The following RNF13 variants were observed in gnomAD, a reference collection of about 807,000 sequenced individuals.
RNF13 encodes E3 ubiquitin-protein ligase RNF13.
A neutral mutation model predicts 37.7 loss-of-function variants in RNF13; 19 were observed. The ratio of observed to expected loss-of-function variants is 0.50; its 90% CI spans 0.35 to 0.74. The LOEUF is 0.74. Ranked by LOEUF, RNF13 falls within the 30% of genes least tolerant of loss-of-function variation. The probability of loss-of-function intolerance (pLI) is 0.01; values close to 1 mark genes in which losing one functional copy is unlikely to be tolerated. For synonymous variants in RNF13, 144 were observed against 157.8 expected, an observed-to-expected ratio of 0.91 and a Z score of 0.65; for missense variants, 375 against 453.0, an observed-to-expected ratio of 0.83 and a Z score of 1.56.
intron 2 of RNF13, among the ~76,000 whole-genome samples, chr3:149,848,014 T>C (rs982995283): frequency 3.3e-5 from 5 of 152,214 alleles, no homozygotes; most frequent in Admixed American, 3.3e-4. Flanking sequence ...TTTCTTTATT[T>C]CTTCATGTAA....
In RNF13 at chr3:149,921,136, C is replaced by T; in HGVS notation, c.609C>T (p.Ile203=). 7.6e-7 allele frequency: 1 copy of T among 1,322,590 alleles called. No individual in the cohort carries two copies. Among genetic ancestry groups the T allele is most frequent in the Non-Finnish European group, 9.9e-7 (1 of 1,005,088 alleles). The allele number at this position is 1,322,590 out of a possible 1,614,324, so 81.9% of individuals were successfully genotyped here. ...TTTTTTTACTCTTTTATTTTTAGAT[C>T]ACAAAATTTGTCCAGGATAGACATA... ...ICLILIVIFM[I]TKFVQDRHRA... Residue 203 remains isoleucine (I), a splice_region_variant and synonymous_variant, in exon 8 of 10, where the codon ATC becomes ATT. Coordinates refer to ENST00000392894, the MANE Select transcript of RNF13 (RefSeq NM_183381.3).
intron 6 of RNF13, among the ~76,000 whole-genome samples, chr3:149,909,442 A>ATTTTTT (rs35918938): frequency 2.6e-5 from 3 of 114,448 alleles, no homozygotes; most frequent in Non-Finnish European, 1.7e-5. Flanking sequence ...TGCCTGGTTA[A>ATTTTTT]TTTTTTTTTT....
intron 7 of RNF13, among the ~76,000 whole-genome samples, chr3:149,919,280 ATATG>A (rs1292369254): frequency 1.3e-5 from 2 of 152,148 alleles, no homozygotes; most frequent in Non-Finnish European, 2.9e-5. Context: ...TATGTAACAG[ATATG>A]TATGTGTATA....
chr3:149,886,553 T>C lies in RNF13; in HGVS notation c.322-8920T>C, dbSNP rs376363066. On this transcript the variant is annotated intron_variant, in intron 4 of 9. Coordinates refer to ENST00000392894, the MANE Select transcript of RNF13 (RefSeq NM_183381.3). ...TCGAGATATCATTTGCACATACATA[T>C]AGTTTTACTTCTTCTTTTCCAATCT... Among the ~76,000 whole-genome samples, 231 of 152,342 alleles carry C rather than the reference T, an allele frequency of 1.5e-3. 1 individual carries two copies. Among genetic ancestry groups the C allele is most frequent in the African/African-American group, 5.2e-3 (215 of 41,580 alleles).
chr3:149,835,622 G>A (rs550919344), intron 1 of RNF13, among the ~76,000 whole-genome samples: 82 of 142,586 alleles, frequency 5.8e-4, no homozygotes, highest in Non-Finnish European at 1.0e-3. Context: ...TTATGGCTGC[G>A]TAGTATTCCA....
chr3:149,883,429 ATGTG>A (rs1370190317), intron 4 of RNF13, among the ~76,000 whole-genome samples: 3 of 151,590 alleles, frequency 2.0e-5, no homozygotes, highest in Non-Finnish European at 4.4e-5. Context: ...ATGTGTGTGT[ATGTG>A]TGTGTGTATG....
chr3:149,873,923 T>C (rs188361850), intron 4 of RNF13, among the ~76,000 whole-genome samples: 1 of 152,334 alleles, frequency 6.6e-6, no homozygotes, highest in Admixed American at 6.5e-5. Context: ...ATTTGTATTA[T>C]AGTGTGTGGT....
chr3:149,875,241 C>T (rs558266727), intron 4 of RNF13, among the ~76,000 whole-genome samples: 1 of 152,090 alleles, frequency 6.6e-6, no homozygotes, highest in South Asian at 2.1e-4. Flanking sequence ...TTATCTCAGA[C>T]AAAGGAGAAT....
chr3:149,915,035 A>G (rs60680148), intron 7 of RNF13, among the ~76,000 whole-genome samples: 2,759 of 152,276 alleles, frequency 0.018, 93 homozygotes, highest in African/African-American at 0.062. Context: ...GGGAAAAAGC[A>G]GTATAAGTCG....
At chr3:149,829,512 T>G (rs894963087) in intron 1 of RNF13, among the ~76,000 whole-genome samples, 2 of 152,166 alleles carry the variant, frequency 1.3e-5, no homozygotes, top group African/African-American at 4.8e-5. Context: ...AAATTTTGCT[T>G]TGGTTGATTG....
At chr3:149,929,465 A>G (rs1375503301) in intron 8 of RNF13, among the ~76,000 whole-genome samples, 1 of 152,194 alleles carries the variant, frequency 6.6e-6, no homozygotes, top group Non-Finnish European at 1.5e-5. Flanking sequence ...CAGCCAAACC[A>G]TATCACAGAT....
At chr3:149,941,020 C>G (rs1033379024) in intron 8 of RNF13, among the ~76,000 whole-genome samples, 1 of 152,132 alleles carries the variant, frequency 6.6e-6, no homozygotes, top group Non-Finnish European at 1.5e-5. Context: ...TGGCATGTGA[C>G]AGAATATTCT....
chr3:149,927,952 C>A (rs1168312421), intron 8 of RNF13, among the ~76,000 whole-genome samples: 1 of 150,302 alleles, frequency 6.7e-6, no homozygotes, highest in African/African-American at 2.4e-5. Flanking sequence ...TTGATGTAGT[C>A]CAATTTACCT....
chr3:149,831,830 T>G (rs1559892938), intron 1 of RNF13, among the ~76,000 whole-genome samples: 1 of 152,186 alleles, frequency 6.6e-6, no homozygotes, highest in Non-Finnish European at 1.5e-5. Context: ...CCTGGAAATC[T>G]TGATGCTTTT....
At chr3:149,914,235 G>A (rs1162381729) in intron 7 of RNF13, among the ~76,000 whole-genome samples, 1 of 151,730 alleles carries the variant, frequency 6.6e-6, no homozygotes, top group African/African-American at 2.4e-5. Context: ...ACTATAAGAT[G>A]CTTCAGGTTC....
At chr3:149,869,333 C>T (rs7647938) in intron 3 of RNF13, among the ~76,000 whole-genome samples, 48,767 of 151,708 alleles carry the variant, frequency 0.32, 9,984 homozygotes, top group East Asian at 0.63. Flanking sequence ...AGGCCGGGCG[C>T]GGTGGCTCAC....
At chr3:149,846,290 G>C in intron 2 of RNF13, 150 bp downstream of exon 2, 1 of 544,624 alleles carries the variant, frequency 1.8e-6, no homozygotes, top group Non-Finnish European at 3.2e-6. Flanking sequence ...TGACATTGAG[G>C]TACCTTATTC....
At chr3:149,843,590 C>T (rs915406896) in intron 1 of RNF13, among the ~76,000 whole-genome samples, 3 of 152,182 alleles carry the variant, frequency 2.0e-5, no homozygotes, top group Non-Finnish European at 4.4e-5. Context: ...CTGTCATATA[C>T]GAAGTAAAAG....
chr3:149,833,263 G>A (rs1721255577), intron 1 of RNF13, among the ~76,000 whole-genome samples: 1 of 151,912 alleles, frequency 6.6e-6, no homozygotes, highest in Non-Finnish European at 1.5e-5. Context: ...GGGATTACAG[G>A]TGCCTGTCAC....
Sources: allele counts gnomAD v4.1 joint callset (sites outside exome capture counted in the v4.1 genomes callset), GRCh38; gene constraint gnomAD v4.1.1; transcripts MANE v1.5; gene names NCBI Gene and HGNC (gene_info 2026-07-23, HGNC 2026-07-21).